Variants in KCNS3 observed in about 807,000 individuals in gnomAD.
KCNS3 encodes potassium voltage-gated channel modifier subfamily S member 3.
In KCNS3, 13 loss-of-function variants were observed where a neutral mutation model predicts 31.0. The observed-to-expected ratio is 0.42, with a 90% CI of 0.27 to 0.67. KCNS3 has a LOEUF of 0.67. Ranked by LOEUF, KCNS3 falls within the 30% of genes least tolerant of loss-of-function variation. The pLI, the probability that KCNS3 is intolerant of heterozygous loss-of-function variation, is 0.25. For missense variants in KCNS3, 545 were observed against 622.4 expected, an observed-to-expected ratio of 0.88 and a Z score of 1.32; for synonymous variants, 238 against 241.5, an observed-to-expected ratio of 0.99 and a Z score of 0.13.
At position 17,932,452 on chromosome 2, in the gene KCNS3, A is replaced by G. The variant is rs139306553; in HGVS notation, c.1444A>G (p.Thr482Ala). The G allele has an allele frequency of 8.1e-6, 13 of 1,612,908 alleles. No individual in the cohort carries two copies. The highest frequency in any genetic ancestry group is 1.0e-5 in the Non-Finnish European group (12 of 1,179,478). ...SIEDNEDICN[T>A]TSLENCTAK ...TGAAGACAATGAGGACATTTGTAAC[A>G]CCACCTCCTTGGAGAATTGCACAGC... The change falls in exon 3 of 3, where the codon ACC (threonine) becomes GCC (alanine). Residue 482 changes from threonine to alanine, a missense_variant. By Grantham distance (58) the Thr-to-Ala change is moderately conservative (BLOSUM62 0). Transcript: ENST00000304101.
chr2:17,921,927 A>G (rs1431390691), intron 2 of KCNS3, among the ~76,000 whole-genome samples: 1 of 71,234 alleles, frequency 1.4e-5, no homozygotes, highest in African/African-American at 6.3e-5. Flanking sequence ...ATATATATAT[A>G]TATATATATA....
chr2:17,908,952 C>G (rs575574712), intron 1 of KCNS3, among the ~76,000 whole-genome samples: 2 of 152,334 alleles, frequency 1.3e-5, no homozygotes, highest in East Asian at 1.9e-4. Context: ...AGATCTCAAA[C>G]TCTGTACTGG....
chr2:17,899,074 G>T (rs1464968972), intron 1 of KCNS3, among the ~76,000 whole-genome samples: 3 of 151,958 alleles, frequency 2.0e-5, no homozygotes, highest in Admixed American at 6.6e-5. Context: ...AAAAATACAA[G>T]AATTAGCTGG....
At chr2:17,881,223 A>G in intron 1 of KCNS3, among the ~76,000 whole-genome samples, 1 of 152,110 alleles carries the variant, frequency 6.6e-6, no homozygotes, top group East Asian at 1.9e-4. Flanking sequence ...TCTCACTAGG[A>G]GGAAGGACGA....
intron 1 of KCNS3, among the ~76,000 whole-genome samples, chr2:17,893,619 C>T (rs993986934): frequency 8.5e-5 from 13 of 152,176 alleles, no homozygotes; most frequent in African/African-American, 2.9e-4. Flanking sequence ...CTCTGTATTT[C>T]GCTCGGCTCT....
rs1352640405 is a variant in KCNS3 at position 17,909,259 on chromosome 2, T to C, written c.-251-8421T>C. On this transcript the variant is annotated intron_variant, in intron 1 of 2. Coordinates refer to ENST00000304101, the MANE Select transcript of KCNS3 (RefSeq NM_002252.5). ...CGTGGGCGTGGGACCCTCCAAGCCA[T>C]GCATGGGATATAATCTCCTGGTGTG... 2.6e-5 allele frequency among the ~76,000 whole-genome samples: 4 copies of C among 152,312 alleles called. No homozygotes were observed. The East Asian group carries it at 7.7e-4, about 29-fold the overall frequency.
intron 1 of KCNS3, among the ~76,000 whole-genome samples, chr2:17,893,284 T>C (rs6531067): frequency 0.82 from 125,312 of 152,156 alleles, 51,924 homozygotes; most frequent in East Asian, 0.97. Flanking sequence ...TCCTACAGCC[T>C]GGAGTCTGTT....
intron 1 of KCNS3, among the ~76,000 whole-genome samples, chr2:17,903,265 A>G (rs1323692927): frequency 1.3e-5 from 2 of 152,238 alleles, no homozygotes; most frequent in Admixed American, 1.3e-4. Flanking sequence ...ACTGGAATGC[A>G]GTGATATGTA....
chr2:17,921,913 G>GTATTTA (rs1373281256), intron 2 of KCNS3, among the ~76,000 whole-genome samples: 1 of 34,106 alleles, frequency 2.9e-5, no homozygotes, highest in Non-Finnish European at 5.4e-5. Flanking sequence ...GTGTGTGTGT[G>GTATTTA]TGTATATATA....
chr2:17,923,064 A>G lies in KCNS3; in HGVS notation c.-60+5193A>G, dbSNP rs375922324. Among the ~76,000 whole-genome samples, 23 of 152,276 alleles carry G rather than the reference A, an allele frequency of 1.5e-4. 1 individual carries two copies. The East Asian group carries it at 2.3e-3, about 15-fold the overall frequency. On this transcript the variant is annotated intron_variant, in intron 2 of 2. Coordinates refer to ENST00000304101, the MANE Select transcript of KCNS3 (RefSeq NM_002252.5). ...GCTGTACTATTTTACATTGCTTACAATGACACACAAGGGTTCCACTTTCTC... is the reference window on the plus strand; with the variant it reads ...GCTGTACTATTTTACATTGCTTACAGTGACACACAAGGGTTCCACTTTCTC...
At chr2:17,912,083 G>A (rs982169851) in intron 1 of KCNS3, among the ~76,000 whole-genome samples, 11 of 152,110 alleles carry the variant, frequency 7.2e-5, no homozygotes, top group Non-Finnish European at 1.5e-4. Flanking sequence ...ATTGATGGAC[G>A]TGCAGGCTGT....
rs35102585 is a variant in KCNS3, at chr2:17,888,629, G to GTATATCTATATCTATC, written c.-252+9828_-252+9829insCTATATCTATCTATAT. On this transcript the variant is annotated intron_variant, in intron 1 of 2. Coordinates refer to ENST00000304101, the MANE Select transcript of KCNS3 (RefSeq NM_002252.5). ...GAACTTAAAGTATAATAAAAAAAAT[G>GTATATCTATATCTATC]TATATATATATATATATATATATAT... is the stretch of plus-strand genomic sequence containing the variant. Among the ~76,000 whole-genome samples the GTATATCTATATCTATC allele has an allele frequency of 1.7e-4, 16 of 92,368 alleles. No individual in the cohort carries two copies. In the East Asian group the frequency reaches 7.0e-3, roughly 40 times the overall value. 60.6% of individuals were successfully genotyped at this position (92,368 alleles called of 152,430 possible). A position where few individuals can be genotyped will look rare whatever the true frequency, so the allele number is the denominator to read the frequency against.
intron 1 of KCNS3, among the ~76,000 whole-genome samples, chr2:17,905,527 C>T (rs1038192715): frequency 7.2e-5 from 11 of 152,300 alleles, no homozygotes; most frequent in Admixed American, 3.3e-4. Context: ...GAGGGCATCC[C>T]TGTCTTGTGC....
chr2:17,908,223 C>G (rs1413596698), intron 1 of KCNS3, among the ~76,000 whole-genome samples: 2 of 152,240 alleles, frequency 1.3e-5, no homozygotes, highest in Non-Finnish European at 2.9e-5. Context: ...TCTTCAATCA[C>G]TGATACCCTT....
At chr2:17,901,710 G>GGA (rs1662177785) in intron 1 of KCNS3, among the ~76,000 whole-genome samples, 3 of 151,954 alleles carry the variant, frequency 2.0e-5, no homozygotes, top group Admixed American at 2.0e-4. Context: ...ACACAAAGCT[G>GGA]GAGGCCTGCA....
At chr2:17,919,727 G>A (rs1662671104) in intron 2 of KCNS3, 1 of 152,298 alleles carries the variant, frequency 6.6e-6, no homozygotes, top group Admixed American at 6.5e-5. Context: ...AACAGACCTG[G>A]CAGGGAGTTT....
intron 1 of KCNS3, among the ~76,000 whole-genome samples, chr2:17,892,050 C>T (rs1661869779): frequency 6.6e-6 from 1 of 152,172 alleles, no homozygotes; most frequent in South Asian, 2.1e-4. Context: ...TCTTCTTCCT[C>T]AGGAACATTA....
intron 1 of KCNS3, among the ~76,000 whole-genome samples, chr2:17,897,403 C>G (rs1451937233): frequency 6.6e-6 from 1 of 152,152 alleles, no homozygotes; most frequent in Non-Finnish European, 1.5e-5. Flanking sequence ...TTTGGATATA[C>G]CGGTAATGAG....
Position 17,931,929 on chromosome 2 carries a change from G to A in KCNS3, c.921G>A (p.Ser307=), listed in dbSNP as rs1212701115. Residue 307 remains serine, a synonymous_variant, in exon 3 of 3, where the codon TCG becomes TCA. Coordinates refer to ENST00000304101, the MANE Select transcript of KCNS3 (RefSeq NM_002252.5). This position sits in a 1 kb window ranked among gnomAD's most constrained non-coding sequence, Gnocchi z 5.4. ...GAATTCTAAAGCTTGCCCGGCACTCGGTAGGACTTCGGTCTCTAGGTGCCA... is the reference window on the plus strand; with the variant it reads ...GAATTCTAAAGCTTGCCCGGCACTCAGTAGGACTTCGGTCTCTAGGTGCCA... ...IFRILKLARH[S]VGLRSLGATL... The A allele has an allele frequency of 4.3e-5, 69 of 1,613,936 alleles. No homozygotes were observed. Among genetic ancestry groups the A allele is most frequent in the Non-Finnish European group, 5.1e-5 (60 of 1,180,010 alleles).
Sources: gnomAD v4.1 joint callset for allele counts (sites outside exome capture counted in the v4.1 genomes callset) on GRCh38, gnomAD v4.1.1 for gene constraint, Gnocchi (gnomAD v3.1) non-coding constraint, MANE v1.5 for transcripts, NCBI Gene and HGNC (gene_info 2026-07-23, HGNC 2026-07-21) for gene names.